LRFN5: variants seen among roughly 807,000 people sequenced by gnomAD.
The protein encoded by LRFN5 is leucine-rich repeat and fibronectin type-III domain-containing protein 5.
Under a neutral mutation model 45.6 loss-of-function variants are expected in LRFN5, and 24 were observed. The ratio of observed to expected loss-of-function variants is 0.53; its 90% CI spans 0.38 to 0.74. LRFN5 has a LOEUF of 0.74. Ranked by LOEUF, LRFN5 falls within the 30% of genes least tolerant of loss-of-function variation. The pLI, the probability that LRFN5 is intolerant of heterozygous loss-of-function variation, is 0.00. For missense variants in LRFN5, 776 were observed against 861.5 expected (o/e 0.90, Z 1.24); for synonymous variants, 340 against 313.8 (o/e 1.08, Z -0.88).
At chr14:41,754,822 G>A (rs147052479) in intron 1 of LRFN5, among the ~76,000 whole-genome samples, 1,623 of 152,140 alleles carry the variant, frequency 0.011, 25 homozygotes, top group African/African-American at 0.037. Flanking sequence ...GAATATGTTT[G>A]CTTTTGCTTC....
At position 41,720,344 on chromosome 14, in the gene LRFN5, G is replaced by A. The variant is rs372722925; in HGVS notation, c.-196-46510G>A. ...TCTTTATCCAATCCACTGTTGATGA[G>A]CACCTAGGTTGATTCCATGTCTTTG... On this transcript the variant is annotated intron_variant, in intron 1 of 5. Transcript: ENST00000298119. Among the ~76,000 whole-genome samples, 14 of 152,176 alleles carry A rather than the reference G, an allele frequency of 9.2e-5. No homozygotes were observed. The South Asian group carries it at 2.9e-3, about 32-fold the overall frequency.
chr14:41,611,606 A>G (rs1887759895), intron 1 of LRFN5, among the ~76,000 whole-genome samples: 1 of 152,172 alleles, frequency 6.6e-6, no homozygotes, highest in Non-Finnish European at 1.5e-5. Flanking sequence ...TGATTCTTGT[A>G]CCTCGGATAA....
At chr14:41,836,210 G>A (rs1239934284) in intron 2 of LRFN5, among the ~76,000 whole-genome samples, 3 of 152,054 alleles carry the variant, frequency 2.0e-5, no homozygotes, top group Non-Finnish European at 4.4e-5. Flanking sequence ...AAATTGTCAC[G>A]CTTCCACTAT....
chr14:41,868,545 G>A (rs1889914062), intron 2 of LRFN5, among the ~76,000 whole-genome samples: 1 of 152,076 alleles, frequency 6.6e-6, no homozygotes, highest in African/African-American at 2.4e-5. Flanking sequence ...ACATAAATAT[G>A]AGTCCCTGTT....
intron 2 of LRFN5, among the ~76,000 whole-genome samples, chr14:41,830,718 G>A (rs962895403): frequency 2.0e-5 from 3 of 152,286 alleles, no homozygotes; most frequent in African/African-American, 7.2e-5. Context: ...TGACTTGCCA[G>A]AGGGGAACCA....
At chr14:41,635,803 TG>T (rs1307184854) in intron 1 of LRFN5, among the ~76,000 whole-genome samples, 1 of 152,204 alleles carries the variant, frequency 6.6e-6, no homozygotes, top group African/African-American at 2.4e-5. Context: ...TATTTATGTA[TG>T]TTTTTCCTTT....
At chr14:41,748,209 A>G (rs1422285217) in intron 1 of LRFN5, among the ~76,000 whole-genome samples, 1 of 152,122 alleles carries the variant, frequency 6.6e-6, no homozygotes, top group Admixed American at 6.6e-5. Flanking sequence ...ATATCAAAAA[A>G]TGTATTTGTA....
At chr14:41,880,370 G>T (rs1008436727) in intron 2 of LRFN5, among the ~76,000 whole-genome samples, 1 of 150,894 alleles carries the variant, frequency 6.6e-6, no homozygotes, top group Non-Finnish European at 1.5e-5. Context: ...TAGCTTCTTA[G>T]GTATCAAGCT....
At chr14:41,849,455 A>C (rs2139071913) in intron 2 of LRFN5, among the ~76,000 whole-genome samples, 1 of 151,690 alleles carries the variant, frequency 6.6e-6, no homozygotes, top group Middle Eastern at 3.4e-3. Flanking sequence ...AAAAAAAAAC[A>C]AAAGTGGGAG....
At chr14:41,626,524 A>G (rs545635473) in intron 1 of LRFN5, among the ~76,000 whole-genome samples, 1 of 152,146 alleles carries the variant, frequency 6.6e-6, no homozygotes, top group East Asian at 1.9e-4. Flanking sequence ...GAATCTGAAC[A>G]TCTAATTTAA....
chr14:41,724,438 A>C (rs962498556), intron 1 of LRFN5, among the ~76,000 whole-genome samples: 19 of 152,222 alleles, frequency 1.2e-4, no homozygotes, highest in African/African-American at 4.1e-4. Flanking sequence ...TAGGATATTT[A>C]TATGTCATTA....
intron 1 of LRFN5, among the ~76,000 whole-genome samples, chr14:41,687,375 T>C (rs555476122): frequency 6.6e-6 from 1 of 152,280 alleles, no homozygotes; most frequent in African/African-American, 2.4e-5. Context: ...AAGAACACTT[T>C]TACACTGTTG....
intron 2 of LRFN5, among the ~76,000 whole-genome samples, chr14:41,814,189 C>T (rs1887837910): frequency 6.6e-6 from 1 of 152,036 alleles, no homozygotes; most frequent in African/African-American, 2.4e-5. Context: ...TCAATTTTGG[C>T]TTTTGTTGCA....
At chr14:41,899,042 T>G (rs1891027688) in intron 5 of LRFN5, 82 bp downstream of exon 5, 2 of 1,071,138 alleles carry the variant, frequency 1.9e-6, no homozygotes, top group Non-Finnish European at 2.7e-6. Context: ...GTAATTAGTT[T>G]GCTAATTTAT....
At chr14:41,787,511 C>CT (rs144086718) in intron 2 of LRFN5, among the ~76,000 whole-genome samples, 72,229 of 148,612 alleles carry the variant, frequency 0.49, 18,049 homozygotes, top group East Asian at 0.9. Context: ...CTTTTTTTGT[C>CT]TTTTTTTTTT....
chr14:41,854,037 C>T (rs1445742215), intron 2 of LRFN5, among the ~76,000 whole-genome samples: 2 of 152,082 alleles, frequency 1.3e-5, no homozygotes, highest in African/African-American at 4.8e-5. Flanking sequence ...AGGTAAGGTA[C>T]AAAAGAGTAA....
intron 2 of LRFN5, among the ~76,000 whole-genome samples, chr14:41,874,160 A>C (rs928669311): frequency 6.6e-6 from 1 of 152,196 alleles, no homozygotes; most frequent in Non-Finnish European, 1.5e-5. Context: ...ATTTCATTGC[A>C]TTTCACATTT....
At chr14:41,902,476 A>G (rs1228173309) in intron 5 of LRFN5, among the ~76,000 whole-genome samples, 1 of 151,880 alleles carries the variant, frequency 6.6e-6, no homozygotes, top group African/African-American at 2.4e-5. Flanking sequence ...GCTTCATATT[A>G]TTTAATAATT....
At position 41,891,970 on chromosome 14, in the gene LRFN5, T is replaced by C; in HGVS notation, c.2098+8T>C. 3 of 1,608,746 alleles carry C rather than the reference T, an allele frequency of 1.9e-6. No individual in the cohort carries two copies. The highest frequency in any genetic ancestry group is 2.5e-6 in the Non-Finnish European group (3 of 1,178,782). On this transcript the variant is annotated splice_region_variant and intron_variant, in intron 4 of 5. Transcript: ENST00000298119. Reference sequence around the variant, plus strand: ...GAGCACATATAAAGCCAAGTAAGTTTATCACTTTGCCTGCTGAGAGATCCG... The same window carrying C: ...GAGCACATATAAAGCCAAGTAAGTTCATCACTTTGCCTGCTGAGAGATCCG...
Sources: gnomAD v4.1 joint callset for allele counts (sites outside exome capture counted in the v4.1 genomes callset) on GRCh38, gnomAD v4.1.1 for gene constraint, MANE v1.5 for transcripts, NCBI Gene and HGNC (gene_info 2026-07-23, HGNC 2026-07-21) for gene names.